The following MYSM1 variants were observed in gnomAD, a reference collection of about 807,000 sequenced individuals.
MYSM1 encodes Myb like, SWIRM and MPN domains 1, also known as deubiquitinase MYSM1.
A neutral mutation model predicts 116.0 loss-of-function variants in MYSM1; 51 were observed. The observed-to-expected ratio is 0.44, with a 90% CI of 0.35 to 0.56. The LOEUF is 0.56. Among genes scored for constraint, MYSM1 ranks in the 20% least tolerant of loss-of-function variants. The pLI is 0.00. For missense variants in MYSM1, 900 were observed against 974.9 expected (o/e 0.92, Z 1.02); for synonymous variants, 313 against 315.2 (o/e 0.99, Z 0.07).
At chr1:58,674,263 A>T (rs1472177275) in intron 10 of MYSM1, among the ~76,000 whole-genome samples, 2 of 152,274 alleles carry the variant, frequency 1.3e-5, no homozygotes, top group African/African-American at 2.4e-5. Context: ...AAGAGGTATA[A>T]TATTGAAAAC....
At chr1:58,694,829 CACCT>C in intron 2 of MYSM1, among the ~76,000 whole-genome samples, 2 of 152,176 alleles carry the variant, frequency 1.3e-5, no homozygotes, top group East Asian at 3.9e-4. Context: ...CCACCTTGCC[CACCT>C]ACCACTTTTT....
rs753911600 is a variant in MYSM1 at position 58,661,216 on chromosome 1, A to C, written c.2282T>G (p.Met761Arg). The change falls in exon 19 of 20, where the codon ATG (methionine) becomes AGG (arginine). Residue 761 changes from methionine (M) to arginine (R), a missense_variant. Physicochemically the swap from Met to Arg is moderately conservative, Grantham distance 91. Coordinates refer to ENST00000472487, the MANE Select transcript of MYSM1 (RefSeq NM_001085487.3). ...AGAATCCCGGCGAAAGATTTTATCC[A>C]TGGGGACGCTGCTGTAGGAAGAAAT... is the stretch of plus-strand genomic sequence containing the variant. ...KYRLSHSSVP[M>R]DKIFRRDSDL... The C allele has an allele frequency of 3.1e-6, 5 of 1,613,074 alleles. No individual in the cohort carries two copies. Among genetic ancestry groups the C allele is most frequent in the Non-Finnish European group, 4.2e-6 (5 of 1,179,196 alleles).
In MYSM1 at chr1:58,682,256, A is replaced by G; in HGVS notation, c.788T>C (p.Ile263Thr). The change falls in exon 8 of 20, where the codon ATT becomes ACT. Residue 263 changes from isoleucine to threonine, a missense_variant. Physicochemically the swap from Ile to Thr is moderately conservative, Grantham distance 89 (BLOSUM62 -1). Around this residue, in one of 3 missense-constraint regions of MYSM1, gnomAD observed 622 missense variants for 623.7 expected, o/e 1.00. Transcript: ENST00000472487. Reference protein sequence around the residue: ...KMHETNQGEFITSDSQEALFS... With the variant: ...KMHETNQGEFTTSDSQEALFS... ...GAGAGCTTCCTGGCTGTCAGAAGTA[A>G]TGAATTCTCCTTGATTGGTTTCATG... 3.1e-6 allele frequency: 5 copies of G among 1,611,854 alleles called. No individual in the cohort carries two copies. Among genetic ancestry groups the G allele is most frequent in the Non-Finnish European group, 4.2e-6 (5 of 1,178,302 alleles).
Position 58,699,972 on chromosome 1 carries a change from C to G in MYSM1, c.68+13G>C. 6.2e-7 allele frequency: 1 copy of G among 1,613,532 alleles called. No homozygotes were observed. Among genetic ancestry groups the G allele is most frequent in the Non-Finnish European group, 8.5e-7 (1 of 1,179,980 alleles). On this transcript the variant is annotated intron_variant, in intron 1 of 19. Coordinates refer to ENST00000472487, the MANE Select transcript of MYSM1 (RefSeq NM_001085487.3). ...CCTCTCCGCCCCAGAGAGACCCGGTCTCTAAGCCTCACCCTGGCTGTGCCC... is the reference window on the plus strand; with the variant it reads ...CCTCTCCGCCCCAGAGAGACCCGGTGTCTAAGCCTCACCCTGGCTGTGCCC...
chr1:58,671,019 C>T (rs1199717310), intron 12 of MYSM1, among the ~76,000 whole-genome samples: 2 of 152,150 alleles, frequency 1.3e-5, no homozygotes, highest in East Asian at 1.9e-4. Context: ...TTCAGTCTCA[C>T]GACAACTGTG....
chr1:58,679,781 A>C (rs1569761305), intron 8 of MYSM1, among the ~76,000 whole-genome samples: 1 of 151,392 alleles, frequency 6.6e-6, no homozygotes, highest in African/African-American at 2.4e-5. Flanking sequence ...TAATCCCAGA[A>C]CTTTGGGTGG....
chr1:58,698,742 C>T (rs528959666), intron 1 of MYSM1, among the ~76,000 whole-genome samples: 1 of 152,214 alleles, frequency 6.6e-6, no homozygotes, highest in African/African-American at 2.4e-5. Flanking sequence ...AGCACTTGGT[C>T]AAGATTTAAA....
At chr1:58,674,674 C>T (rs1203786644) in intron 10 of MYSM1, among the ~76,000 whole-genome samples, 2 of 151,808 alleles carry the variant, frequency 1.3e-5, no homozygotes, top group South Asian at 2.1e-4. Context: ...GCCTGTAATC[C>T]CAGCACTTCG....
At chr1:58,668,783 C>T in intron 13 of MYSM1, 101 bp from the exon 14 acceptor site, 1 of 1,135,210 alleles carries the variant, frequency 8.8e-7, no homozygotes, top group South Asian at 1.4e-5. Context: ...TCCACCCCAC[C>T]AAGTTCTCAG....
Position 58,682,029 on chromosome 1 carries a change from G to A in MYSM1, c.1015C>T (p.Pro339Ser). 3 of 1,614,108 alleles carry A rather than the reference G, an allele frequency of 1.9e-6. No individual in the cohort carries two copies. In the South Asian group the frequency reaches 3.3e-5, roughly 18 times the overall value. Reference protein sequence around the residue: ...RGIIVDARQLPSPEPCEIQKN... With the variant: ...RGIIVDARQLSSPEPCEIQKN... ...TGAATTTCACAAGGCTCTGGAGAAG[G>A]CAACTGCCTGGCATCAACTATTATT... The change falls in exon 8 of 20, where the codon CCT becomes TCT. Residue 339 changes from proline to serine, a missense_variant. Coordinates refer to ENST00000472487, the MANE Select transcript of MYSM1 (RefSeq NM_001085487.3).
At chr1:58,660,700 A>G (rs943993612) in intron 19 of MYSM1, among the ~76,000 whole-genome samples, 20 of 152,280 alleles carry the variant, frequency 1.3e-4, no homozygotes, top group Non-Finnish European at 2.5e-4. Context: ...CAAATGTTGC[A>G]GATCTACTAG....
chr1:58,667,231 A>T lies in MYSM1; in HGVS notation c.1843-5T>A. 1 of 1,522,844 alleles carries T rather than the reference A, an allele frequency of 6.6e-7. No homozygotes were observed. The highest frequency in any genetic ancestry group is 8.9e-7 in the Non-Finnish European group (1 of 1,129,314). 94.3% of individuals were successfully genotyped at this position (1,522,844 alleles called of 1,614,324 possible). A position where few individuals can be genotyped will look rare whatever the true frequency, so the allele number is the denominator to read the frequency against. On this transcript the variant is annotated splice_region_variant and splice_polypyrimidine_tract_variant and intron_variant, in intron 15 of 19. Coordinates refer to ENST00000472487, the MANE Select transcript of MYSM1 (RefSeq NM_001085487.3). ...ACATGGTTCTGCTGCACAGACCTAT[A>T]AACGATTGATCCTCAAATGATTATA...
chr1:58,677,018 A>G lies in MYSM1; in HGVS notation c.1298T>C (p.Val433Ala). ...TCCACAGTTCTTCAGGCCAGGACGT[A>G]CTGAGGTCTTATTTAAGTATTTTGG... ...CKPKYLNKTS[V>A]RPGLKNCGDV... Residue 433 changes from valine to alanine, a missense_variant, in exon 9 of 20, where the codon GTA becomes GCA. Around this residue, in one of 3 missense-constraint regions of MYSM1, gnomAD observed 622 missense variants for 623.7 expected, o/e 1.00. Coordinates refer to ENST00000472487, the MANE Select transcript of MYSM1 (RefSeq NM_001085487.3). 6.2e-7 allele frequency: 1 copy of G among 1,609,278 alleles called. No individual in the cohort carries two copies. Among genetic ancestry groups the G allele is most frequent in the Non-Finnish European group, 8.5e-7 (1 of 1,177,778 alleles).
At chr1:58,697,808 C>T (rs1469674735) in intron 1 of MYSM1, among the ~76,000 whole-genome samples, 2 of 151,226 alleles carry the variant, frequency 1.3e-5, no homozygotes, top group African/African-American at 2.4e-5. Flanking sequence ...AGGCTGATCT[C>T]GAACTCCCAA....
chr1:58,688,545 G>A (rs991172276), intron 6 of MYSM1, among the ~76,000 whole-genome samples: 1 of 151,052 alleles, frequency 6.6e-6, no homozygotes, highest in African/African-American at 2.4e-5. Flanking sequence ...AGATTTCAGT[G>A]TAATAGACAT....
chr1:58,691,095 C>G (rs774174888), intron 3 of MYSM1, among the ~76,000 whole-genome samples: 1 of 151,736 alleles, frequency 6.6e-6, no homozygotes, highest in Non-Finnish European at 1.5e-5. Context: ...CTGGCTAACA[C>G]GGTGAAACCC....
chr1:58,683,287 C>T (rs1644776054), intron 7 of MYSM1, among the ~76,000 whole-genome samples: 1 of 152,322 alleles, frequency 6.6e-6, no homozygotes, highest in Non-Finnish European at 1.5e-5. Context: ...AAAGGCTTCT[C>T]AGACTATGTG....
chr1:58,657,605 T>C lies in MYSM1; in HGVS notation c.*2392A>G, dbSNP rs1644335654. The C allele has an allele frequency of 6.6e-6, 1 of 152,172 alleles. No individual in the cohort carries two copies. Among genetic ancestry groups the C allele is most frequent in the East Asian group, 1.9e-4 (1 of 5,200 alleles). The allele number at this position is 152,172 out of a possible 1,614,324, so 9.4% of individuals were successfully genotyped here. A position where few individuals can be genotyped will look rare whatever the true frequency, so the allele number is the denominator to read the frequency against. ...GAGAAAGAAGTAACCAAGTTTAACA[T>C]ACTAAAATTATACTGTCAAAAAAAT... On this transcript the variant is annotated 3_prime_UTR_variant, in exon 20 of 20. Transcript: ENST00000472487.
intron 10 of MYSM1, among the ~76,000 whole-genome samples, chr1:58,674,286 A>T (rs893799369): frequency 3.9e-5 from 6 of 152,222 alleles, no homozygotes; most frequent in Non-Finnish European, 8.8e-5. Context: ...GAAGCAAAAT[A>T]ATTATTATTT....
Sources: allele counts gnomAD v4.1 joint callset (sites outside exome capture counted in the v4.1 genomes callset), GRCh38; gene constraint gnomAD v4.1.1; regional missense constraint gnomAD v4.1.1; transcripts MANE v1.5; gene names NCBI Gene and HGNC (gene_info 2026-07-23, HGNC 2026-07-21).